Variants in PCDHGB1 observed in about 807,000 individuals in gnomAD.
PCDHGB1 encodes the protein protocadherin gamma subfamily B, 1.
PCDHGB1 carries 34 observed loss-of-function variants against 56.6 expected under a neutral mutation model. The ratio of observed to expected loss-of-function variants is 0.60; its 90% CI spans 0.46 to 0.80. The LOEUF is 0.80. Ranked by LOEUF, PCDHGB1 falls within the 30% of genes least tolerant of loss-of-function variation. The probability of loss-of-function intolerance (pLI) is 0.00; values close to 1 mark genes in which losing one functional copy is unlikely to be tolerated. For synonymous variants in PCDHGB1, 561 were observed against 505.9 expected (o/e 1.11, Z -1.46); for missense variants, 1,278 against 1,204.6 (o/e 1.06, Z -0.90).
At chr5:141,399,825 C>G (rs1439243162) in intron 1 of PCDHGB1, 14 of 1,613,060 alleles carry the variant, frequency 8.7e-6, no homozygotes, top group Non-Finnish European at 1.2e-5. Context: ...TGGGTCCCGA[C>G]GGCTCTGCGC....
intron 1 of PCDHGB1, among the ~76,000 whole-genome samples, chr5:141,438,252 G>A (rs1181991674): frequency 6.6e-6 from 1 of 152,072 alleles, no homozygotes. Context: ...AACTGTCATT[G>A]AAGAGACCAT....
In PCDHGB1 at chr5:141,490,706, T is replaced by C. The variant is rs777636562; in HGVS notation, c.2410-4101T>C. On this transcript the variant is annotated intron_variant, in intron 1 of 3. Coordinates refer to ENST00000523390, the MANE Select transcript of PCDHGB1 (RefSeq NM_018922.3). This position sits in a 1 kb window ranked among gnomAD's most constrained non-coding sequence, Gnocchi z 5.4. ...CCAGACACTGGGGATAATGCCCGCC[T>C]CACCTACTCCATTGTAGGAAATCAG... is the stretch of plus-strand genomic sequence containing the variant. The C allele has an allele frequency of 6.2e-7, 1 of 1,614,074 alleles. No homozygotes were observed. Among genetic ancestry groups the C allele is most frequent in the African/African-American group, 1.3e-5 (1 of 74,948 alleles).
chr5:141,490,576 G>T lies in PCDHGB1; in HGVS notation c.2410-4231G>T. On this transcript the variant is annotated intron_variant, in intron 1 of 3. Transcript: ENST00000523390. The surrounding 1 kb of genome is among the most constrained non-coding windows in gnomAD (Gnocchi z 5.4). ...TCTCACCATCAGGCTCAACATTTCA[G>T]ATGTCAATGACAATGCACCCCGCTT... 2.5e-6 allele frequency: 4 copies of T among 1,614,134 alleles called. No homozygotes were observed. The highest frequency in any genetic ancestry group is 3.4e-6 in the Non-Finnish European group (4 of 1,180,030).
In PCDHGB1 at chr5:141,350,625, A is replaced by G; in HGVS notation, c.365A>G (p.Asp122Gly). Residue 122 changes from aspartate to glycine, a missense_variant, in exon 1 of 4, where the codon GAT becomes GGT. Transcript: ENST00000523390. Reference protein sequence around the residue: ...NVFHVVVVIQDINDNAPRFVA... With the variant: ...NVFHVVVVIQGINDNAPRFVA... ...TTCCACGTGGTTGTTGTAATCCAAG[A>G]TATTAATGACAATGCACCACGTTTC... The G allele has an allele frequency of 1.2e-6, 2 of 1,614,072 alleles. No homozygotes were observed. The highest frequency in any genetic ancestry group is 1.3e-5 in the African/African-American group (1 of 75,060).
In PCDHGB1 at chr5:141,467,461, A is replaced by G. The variant is rs1330947379; in HGVS notation, c.2410-27346A>G. ...ATTACTTTTTTCTTCCAGTGCTAGT[A>G]CTTGCATGGTTTTTGGTTTCCACAT... On this transcript the variant is annotated intron_variant, in intron 1 of 3. Coordinates refer to ENST00000523390, the MANE Select transcript of PCDHGB1 (RefSeq NM_018922.3). 2.6e-5 allele frequency among the ~76,000 whole-genome samples: 4 copies of G among 152,158 alleles called. No homozygotes were observed. The South Asian group carries it at 8.3e-4, about 31-fold the overall frequency.
intron 1 of PCDHGB1, among the ~76,000 whole-genome samples, chr5:141,436,781 A>T (rs1041532929): frequency 6.6e-6 from 1 of 152,236 alleles, no homozygotes; most frequent in Non-Finnish European, 1.5e-5. Context: ...TGTGGATGGA[A>T]ATAAAACTGT....
intron 1 of PCDHGB1, among the ~76,000 whole-genome samples, chr5:141,358,974 C>A (rs1440988356): frequency 1.3e-5 from 2 of 152,270 alleles, no homozygotes; most frequent in African/African-American, 2.4e-5. Flanking sequence ...TGTGAGAATT[C>A]AAAATTCATG....
chr5:141,366,052 C>A (rs1237553025), intron 1 of PCDHGB1: 2 of 1,614,248 alleles, frequency 1.2e-6, no homozygotes, highest in Admixed American at 1.7e-5. Context: ...GTTCCACGGG[C>A]GTGGAGCTGG....
chr5:141,397,738 C>T (rs1211172946), intron 1 of PCDHGB1, among the ~76,000 whole-genome samples: 1 of 152,162 alleles, frequency 6.6e-6, no homozygotes, highest in East Asian at 1.9e-4. Flanking sequence ...AGAAAGATAC[C>T]TTAAAGAAGT....
chr5:141,496,981 T>A (rs928774783), intron 2 of PCDHGB1, among the ~76,000 whole-genome samples: 1 of 150,304 alleles, frequency 6.7e-6, no homozygotes, highest in African/African-American at 2.5e-5. Context: ...AGGTCAGGGG[T>A]TTGAGACCAG....
At position 141,355,250 on chromosome 5, in the gene PCDHGB1, G is replaced by A; in HGVS notation, c.2409+2581G>A. The A allele has an allele frequency of 6.2e-7, 1 of 1,613,314 alleles. No individual in the cohort carries two copies. Among genetic ancestry groups the A allele is most frequent in the East Asian group, 2.2e-5 (1 of 44,882 alleles). On this transcript the variant is annotated intron_variant, in intron 1 of 3. Coordinates refer to ENST00000523390, the MANE Select transcript of PCDHGB1 (RefSeq NM_018922.3). Reference sequence around the variant, plus strand: ...GACCACACCCGGCTGCTCCAGATCTGCCTTCTCCTGGGGGTTCTGGTGGAA... The same window carrying A: ...GACCACACCCGGCTGCTCCAGATCTACCTTCTCCTGGGGGTTCTGGTGGAA...
chr5:141,405,177 G>A, intron 1 of PCDHGB1: 3 of 1,614,140 alleles, frequency 1.9e-6, no homozygotes, highest in African/African-American at 1.3e-5. Flanking sequence ...CACTTTGTGG[G>A]TGTAGATGGG....
At chr5:141,402,807 T>TA in intron 1 of PCDHGB1, 1 of 1,165,464 alleles carries the variant, frequency 8.6e-7, no homozygotes, top group Non-Finnish European at 1.2e-6. Flanking sequence ...ACCCGGCAGA[T>TA]ACCACAAACC....
At chr5:141,372,087 C>T in intron 1 of PCDHGB1, 1 of 1,613,740 alleles carries the variant, frequency 6.2e-7, no homozygotes, top group South Asian at 1.1e-5. Context: ...GGTGCTGTAC[C>T]CAGCTCTGGG....
At chr5:141,359,409 ATG>A (rs1178126719) in intron 1 of PCDHGB1, among the ~76,000 whole-genome samples, 1 of 152,002 alleles carries the variant, frequency 6.6e-6, no homozygotes, top group Non-Finnish European at 1.5e-5. Flanking sequence ...TTTTTAAAAA[ATG>A]TGTTTTTGTT....
intron 1 of PCDHGB1, chr5:141,430,540 G>T: frequency 2.6e-6 from 1 of 386,954 alleles, no homozygotes; most frequent in Admixed American, 4.2e-5. Flanking sequence ...GACTCTGAGC[G>T]CCGCTGTTCA....
At chr5:141,420,086 TAC>T (rs1396904191) in intron 1 of PCDHGB1, 2 of 1,614,002 alleles carry the variant, frequency 1.2e-6, no homozygotes, top group Non-Finnish European at 1.7e-6. Context: ...TCCCCCCAAC[TAC>T]AGTGAGGGAA....
intron 1 of PCDHGB1, chr5:141,426,979 A>G (rs762085745): frequency 4.2e-5 from 19 of 456,640 alleles, no homozygotes; most frequent in Non-Finnish European, 7.5e-5. Flanking sequence ...GAGGTCACTG[A>G]TGCCAACGAT....
chr5:141,404,129 A>G (rs753217773), intron 1 of PCDHGB1: 6 of 1,613,162 alleles, frequency 3.7e-6, no homozygotes, highest in Non-Finnish European at 5.1e-6. Context: ...TCTATCTTTT[A>G]CATTAGAAAA....
Sources: allele counts gnomAD v4.1 joint callset (sites outside exome capture counted in the v4.1 genomes callset), GRCh38; gene constraint gnomAD v4.1.1; non-coding constraint Gnocchi (gnomAD v3.1); transcripts MANE v1.5; gene names NCBI Gene and HGNC (gene_info 2026-07-23, HGNC 2026-07-21).